DOCK5: variants seen among roughly 807,000 people sequenced by gnomAD.
The protein encoded by DOCK5 is dedicator of cytokinesis protein 5.
A neutral mutation model predicts 251.8 loss-of-function variants in DOCK5; 142 were observed. The ratio of observed to expected loss-of-function variants is 0.56; its 90% confidence interval spans 0.49 to 0.65. DOCK5 has a LOEUF of 0.65. Among genes scored for constraint, DOCK5 ranks in the 30% least tolerant of loss-of-function variants. The pLI is 0.00. For missense variants in DOCK5, 2,111 were observed against 2,312.3 expected (o/e 0.91, Z 1.79); for synonymous variants, 842 against 835.5 (o/e 1.01, Z -0.13).
At chr8:25,338,378 T>C (rs1187380821) in intron 22 of DOCK5, among the ~76,000 whole-genome samples, 1 of 152,140 alleles carries the variant, frequency 6.6e-6, no homozygotes, top group African/African-American at 2.4e-5. Flanking sequence ...TGTGACAGGG[T>C]TGTAATTTAT....
At chr8:25,187,231 GTA>G (rs57297499) in intron 1 of DOCK5, among the ~76,000 whole-genome samples, 10,033 of 140,930 alleles carry the variant, frequency 0.071, 470 homozygotes, top group African/African-American at 0.12. Flanking sequence ...ATATATATAC[GTA>G]TATATATATA....
chr8:25,332,706 CAT>C lies in DOCK5; in HGVS notation c.2091+17_2091+18del. 2 of 1,586,328 alleles carry C rather than the reference CAT, an allele frequency of 1.3e-6. No individual in the cohort carries two copies. The highest frequency in any genetic ancestry group is 1.7e-6 in the Non-Finnish European group (2 of 1,162,954). On this transcript the variant is annotated intron_variant, in intron 20 of 51. Coordinates refer to ENST00000276440, the MANE Select transcript of DOCK5 (RefSeq NM_024940.8). ...TTTGACGCACTGGTAAGCAGTTAAA[CAT>C]ATTAACTAGTGTTTATTGTTGCAAC...
chr8:25,245,079 C>A (rs776551447), intron 2 of DOCK5, among the ~76,000 whole-genome samples: 1 of 152,166 alleles, frequency 6.6e-6, no homozygotes, highest in African/African-American at 2.4e-5. Flanking sequence ...TTTTTTGAGA[C>A]GGAGTCTCGC....
intron 1 of DOCK5, among the ~76,000 whole-genome samples, chr8:25,218,798 A>G (rs1802313042): frequency 6.6e-6 from 1 of 152,172 alleles, no homozygotes; most frequent in East Asian, 1.9e-4. Context: ...CTAGAGCAGG[A>G]AGACAAGTTT....
chr8:25,369,082 G>A (rs1336392996), intron 33 of DOCK5, among the ~76,000 whole-genome samples: 1 of 152,174 alleles, frequency 6.6e-6, no homozygotes, highest in African/African-American at 2.4e-5. Flanking sequence ...CAGTGCAATG[G>A]ATTAAGTTCT....
chr8:25,281,634 A>G (rs1021748087), intron 5 of DOCK5, among the ~76,000 whole-genome samples: 3 of 151,742 alleles, frequency 2.0e-5, no homozygotes, highest in African/African-American at 7.3e-5. Context: ...TAATCCCAGC[A>G]CTTTGGGAGG....
At chr8:25,300,317 A>C (rs374072909) in intron 8 of DOCK5, among the ~76,000 whole-genome samples, 161 of 152,340 alleles carry the variant, frequency 1.1e-3, no homozygotes, top group African/African-American at 3.7e-3. Flanking sequence ...TGTGCCCACC[A>C]GGAGCAGTGG....
At chr8:25,217,132 G>A (rs1231772429) in intron 1 of DOCK5, among the ~76,000 whole-genome samples, 2 of 148,260 alleles carry the variant, frequency 1.3e-5, no homozygotes, top group African/African-American at 2.5e-5. Context: ...ATATATACAC[G>A]AATGCAGGAG....
rs764385057 is a variant in DOCK5, at chr8:25,310,447, C to G, written c.1233C>G (p.Thr411=). The change falls in exon 13 of 52, where the codon ACC becomes ACG. Residue 411 remains threonine (T), a synonymous_variant. Coordinates refer to ENST00000276440, the MANE Select transcript of DOCK5 (RefSeq NM_024940.8). ...VSLKLLPGDL[T]QVQKNFSHLV... Reference sequence around the variant, plus strand: ...TGAAGCTCTTGCCCGGTGACCTCACCCAGGTTCAGAAGAATTTTTCACACT... The same window carrying G: ...TGAAGCTCTTGCCCGGTGACCTCACGCAGGTTCAGAAGAATTTTTCACACT... 2 of 1,613,598 alleles carry G rather than the reference C, an allele frequency of 1.2e-6. No homozygotes were observed. The highest frequency in any genetic ancestry group is 1.7e-5 in the Admixed American group (1 of 59,954).
intron 1 of DOCK5, among the ~76,000 whole-genome samples, chr8:25,226,099 G>A (rs934641107): frequency 6.6e-6 from 1 of 151,818 alleles, no homozygotes; most frequent in South Asian, 2.1e-4. Context: ...CATTTAGCAG[G>A]TAAAATAAAA....
chr8:25,191,838 G>A (rs1801589278), intron 1 of DOCK5, among the ~76,000 whole-genome samples: 1 of 151,784 alleles, frequency 6.6e-6, no homozygotes, highest in Admixed American at 6.6e-5. Context: ...TGTTACATAT[G>A]TATACATGTG....
At chr8:25,270,568 TAAAC>T (rs1803879326) in intron 3 of DOCK5, among the ~76,000 whole-genome samples, 1 of 152,222 alleles carries the variant, frequency 6.6e-6, no homozygotes, top group African/African-American at 2.4e-5. Context: ...TTAAAAACAA[TAAAC>T]AAAAAGCCAT....
At chr8:25,191,749 CAA>C (rs1187455922) in intron 1 of DOCK5, among the ~76,000 whole-genome samples, 1 of 148,858 alleles carries the variant, frequency 6.7e-6, no homozygotes, top group East Asian at 2.0e-4. Context: ...ACTCCAAAAA[CAA>C]AATCTTTTTT....
chr8:25,320,129 A>G (rs1330128241), intron 15 of DOCK5, among the ~76,000 whole-genome samples: 1 of 152,178 alleles, frequency 6.6e-6, no homozygotes, highest in African/African-American at 2.4e-5. Context: ...TTGTAACGCC[A>G]TCTTTCATAT....
intron 3 of DOCK5, among the ~76,000 whole-genome samples, chr8:25,273,920 A>G (rs770225649): frequency 2.6e-5 from 4 of 152,214 alleles, no homozygotes; most frequent in Non-Finnish European, 4.4e-5. Flanking sequence ...TAACGGGATT[A>G]GAATTCACAC....
At chr8:25,356,066 G>C (rs1168320950) in intron 27 of DOCK5, among the ~76,000 whole-genome samples, 2 of 151,178 alleles carry the variant, frequency 1.3e-5, no homozygotes, top group East Asian at 2.0e-4. Context: ...CAGTTGTGGT[G>C]ATGCATGGCT....
chr8:25,323,699 A>G (rs1805485353), intron 16 of DOCK5, 149 bp from the exon 17 acceptor site: 2 of 775,000 alleles, frequency 2.6e-6, no homozygotes, highest in Middle Eastern at 3.7e-4. Flanking sequence ...TCAGTGGCAC[A>G]TGGTACGTGG....
At chr8:25,187,364 TTG>T (rs34685735) in intron 1 of DOCK5, among the ~76,000 whole-genome samples, 1,399 of 136,276 alleles carry the variant, frequency 0.01, 9 homozygotes, top group South Asian at 0.033. Context: ...TGGGTGGAAA[TTG>T]TGTGTGTGTG....
At chr8:25,372,494 C>A in intron 34 of DOCK5, 65 bp from the exon 35 acceptor site, 1 of 1,491,084 alleles carries the variant, frequency 6.7e-7, no homozygotes, top group Non-Finnish European at 8.9e-7. Flanking sequence ...CTGGTCAGTG[C>A]TGGTCAGTGC....
Sources: gnomAD v4.1 joint callset for allele counts (sites outside exome capture counted in the v4.1 genomes callset) on GRCh38, gnomAD v4.1.1 for gene constraint, MANE v1.5 for transcripts, NCBI Gene and HGNC (gene_info 2026-07-23, HGNC 2026-07-21) for gene names.